The following ITGB5 variants were observed in gnomAD, a reference collection of about 807,000 sequenced individuals.
ITGB5 encodes integrin beta-5.
In ITGB5, 38 loss-of-function variants were observed where a neutral mutation model predicts 84.8. That is an observed-to-expected ratio of 0.45 (90% CI 0.35 to 0.59). ITGB5 has a LOEUF of 0.59. Ranked by LOEUF, ITGB5 falls within the 20% of genes least tolerant of loss-of-function variation. The pLI, the probability that ITGB5 is intolerant of heterozygous loss-of-function variation, is 0.01. For missense variants in ITGB5, 905 were observed against 1,034.5 expected (o/e 0.87, Z 1.72); for synonymous variants, 393 against 414.4 (o/e 0.95, Z 0.63).
chr3:124,779,904 C>A (rs2063978588), intron 10 of ITGB5, among the ~76,000 whole-genome samples: 1 of 152,142 alleles, frequency 6.6e-6, no homozygotes, highest in Non-Finnish European at 1.5e-5. Flanking sequence ...AGTTAAAGGG[C>A]CTCATGAGGT....
chr3:124,870,123 T>G (rs935602880), intron 2 of ITGB5, among the ~76,000 whole-genome samples: 1 of 152,230 alleles, frequency 6.6e-6, no homozygotes, highest in Non-Finnish European at 1.5e-5. Context: ...TTTTTCTAAC[T>G]TCATGTCTTT....
At chr3:124,863,184 T>C (rs1356940674) in intron 2 of ITGB5, 1 of 152,192 alleles carries the variant, frequency 6.6e-6, no homozygotes, top group East Asian at 1.9e-4. Flanking sequence ...AGTCCTGTCA[T>C]TATTTTCCCA....
chr3:124,769,925 T>G (rs1467621802), intron 11 of ITGB5: 1 of 152,194 alleles, frequency 6.6e-6, no homozygotes, highest in African/African-American at 2.4e-5. Context: ...TCCTCCCACC[T>G]CAGGCTAACA....
At chr3:124,849,968 T>C (rs1660396009) in intron 3 of ITGB5, among the ~76,000 whole-genome samples, 2 of 152,088 alleles carry the variant, frequency 1.3e-5, no homozygotes, top group South Asian at 2.1e-4. Flanking sequence ...TGTCTACACA[T>C]ACTTGAAATT....
chr3:124,857,025 T>C (rs1434473305), intron 3 of ITGB5, among the ~76,000 whole-genome samples: 2 of 152,264 alleles, frequency 1.3e-5, no homozygotes, highest in East Asian at 3.8e-4. Flanking sequence ...CACTGATTCC[T>C]GGGCAGGCAA....
intron 3 of ITGB5, among the ~76,000 whole-genome samples, chr3:124,853,129 C>T (rs1179000104): frequency 6.6e-6 from 1 of 152,138 alleles, no homozygotes; most frequent in East Asian, 1.9e-4. Flanking sequence ...AAGACCTTTG[C>T]CATCCCAAAA....
At chr3:124,774,602 G>A (rs973080410) in intron 10 of ITGB5, among the ~76,000 whole-genome samples, 3 of 152,214 alleles carry the variant, frequency 2.0e-5, no homozygotes, top group African/African-American at 7.2e-5. Flanking sequence ...AATGATTTCA[G>A]GCTTCTGACC....
chr3:124,872,647 G>A (rs576142397), intron 2 of ITGB5, among the ~76,000 whole-genome samples: 118 of 152,270 alleles, frequency 7.7e-4, no homozygotes, highest in Non-Finnish European at 1.5e-3. Flanking sequence ...CACTTTTACA[G>A]GGAGGGTTTG....
chr3:124,864,381 C>T (rs990034165), intron 2 of ITGB5, among the ~76,000 whole-genome samples: 1 of 152,102 alleles, frequency 6.6e-6, no homozygotes, highest in East Asian at 1.9e-4. Context: ...GCTGGGATTA[C>T]AGGTGTGAGC....
chr3:124,882,629 G>A (rs2107651935), intron 1 of ITGB5, among the ~76,000 whole-genome samples: 1 of 152,344 alleles, frequency 6.6e-6, no homozygotes, highest in Non-Finnish European at 1.5e-5. Flanking sequence ...AGCCTGGCAG[G>A]ACTCTGGGAA....
At chr3:124,863,640 TC>T (rs2065337931) in intron 2 of ITGB5, among the ~76,000 whole-genome samples, 1 of 152,150 alleles carries the variant, frequency 6.6e-6, no homozygotes, top group African/African-American at 2.4e-5. Flanking sequence ...CACCTTAGCC[TC>T]CGGAGTAGCT....
At chr3:124,769,460 T>G in intron 11 of ITGB5, 1 of 203,714 alleles carries the variant, frequency 4.9e-6, no homozygotes, top group Non-Finnish European at 9.9e-6. Flanking sequence ...TAAAACAGTA[T>G]TCCTGGCCTC....
At chr3:124,858,662 C>A (rs1215161717) in intron 3 of ITGB5, among the ~76,000 whole-genome samples, 1 of 152,148 alleles carries the variant, frequency 6.6e-6, no homozygotes, top group Non-Finnish European at 1.5e-5. Flanking sequence ...TTGGATGATT[C>A]CACTTATGGT....
chr3:124,819,581 C>A lies in ITGB5; in HGVS notation c.1038+158G>T, dbSNP rs182467040. Among the ~76,000 whole-genome samples, 42 of 152,206 alleles carry A rather than the reference C, an allele frequency of 2.8e-4. 1 individual carries two copies. The East Asian group carries it at 5.4e-3, about 20-fold the overall frequency. On this transcript the variant is annotated intron_variant, in intron 7 of 14. Transcript: ENST00000296181. ...TTCTTGTAAGGTATTCACTGCTATGCGAATGCTTAATTGTTTCCTCCTATT... is the reference window on the plus strand; with the variant it reads ...TTCTTGTAAGGTATTCACTGCTATGAGAATGCTTAATTGTTTCCTCCTATT...
At chr3:124,786,278 T>C (rs2064080809) in intron 10 of ITGB5, among the ~76,000 whole-genome samples, 1 of 152,138 alleles carries the variant, frequency 6.6e-6, no homozygotes, top group Admixed American at 6.6e-5. Flanking sequence ...GGCTCACATC[T>C]GTAATCCCAA....
At chr3:124,775,046 AGCACAG>A (rs1355480162) in intron 10 of ITGB5, among the ~76,000 whole-genome samples, 1 of 152,200 alleles carries the variant, frequency 6.6e-6, no homozygotes, top group Non-Finnish European at 1.5e-5. Flanking sequence ...GCCTCCTATG[AGCACAG>A]GCAGCCAGGA....
intron 8 of ITGB5, among the ~76,000 whole-genome samples, chr3:124,817,162 C>A (rs2064614543): frequency 6.6e-6 from 1 of 152,216 alleles, no homozygotes; most frequent in Non-Finnish European, 1.5e-5. Context: ...GGATTCCCGC[C>A]CTGCCACTGT....
At chr3:124,872,986 T>C (rs954510705) in intron 2 of ITGB5, among the ~76,000 whole-genome samples, 6 of 152,174 alleles carry the variant, frequency 3.9e-5, no homozygotes, top group Non-Finnish European at 7.3e-5. Flanking sequence ...ATGGCAGCCA[T>C]TATTTCTAAA....
At position 124,764,496 on chromosome 3, in the gene ITGB5, A is replaced by G; in HGVS notation, c.2199T>C (p.Leu733=). ...ILLAVVGSIL[L]VGLALLAIWK... ...AGATAGCCAGGAGTGCAAGCCCAAC[A>G]AGGAGGATGCTACCGACCACAGCCA... is the stretch of plus-strand genomic sequence containing the variant. The change falls in exon 14 of 15, where the codon CTT becomes CTC. Residue 733 remains leucine (L), a synonymous_variant. Transcript: ENST00000296181. 6.2e-7 allele frequency: 1 copy of G among 1,613,936 alleles called. No homozygotes were observed. Among genetic ancestry groups the G allele is most frequent in the African/African-American group, 1.3e-5 (1 of 75,004 alleles).
Sources: gnomAD v4.1 joint callset for allele counts (sites outside exome capture counted in the v4.1 genomes callset) on GRCh38, gnomAD v4.1.1 for gene constraint, MANE v1.5 for transcripts, NCBI Gene and HGNC (gene_info 2026-07-23, HGNC 2026-07-21) for gene names.